The following RAB3C variants were observed in gnomAD, a reference collection of about 807,000 sequenced individuals.
RAB3C encodes ras-related protein Rab-3C.
RAB3C carries 17 observed loss-of-function variants against 26.4 expected under a neutral mutation model. The ratio of observed to expected loss-of-function variants is 0.64; its 90% CI spans 0.44 to 0.97. RAB3C has a LOEUF of 0.97. Among genes scored for constraint, RAB3C ranks in the 50% least tolerant of loss-of-function variants. RAB3C has a pLI of 0.00. For synonymous variants in RAB3C, 91 were observed against 95.9 expected (o/e 0.95, Z 0.30); for missense variants, 242 against 281.9 (o/e 0.86, Z 1.01).
At chr5:58,845,675 TATATA>T in intron 4 of RAB3C, among the ~76,000 whole-genome samples, 1 of 146,522 alleles carries the variant, frequency 6.8e-6, no homozygotes, top group South Asian at 2.2e-4. Context: ...TACATATATG[TATATA>T]TGTGTATATA....
At position 58,859,237 on chromosome 5, in the gene RAB3C, T is replaced by C. The variant is rs1439068177; in HGVS notation, c.*7886T>C. The stretch of plus-strand genomic sequence containing the variant: ...TGAAGTGTATTCACATTGTGAAGTT[T>C]TAATTATCTTTATTGAAATTAATTG... On this transcript the variant is annotated 3_prime_UTR_variant, in exon 5 of 5. Transcript: ENST00000282878. 2 of 152,250 alleles carry C rather than the reference T, an allele frequency of 1.3e-5. No homozygotes were observed. The highest frequency in any genetic ancestry group is 2.9e-5 in the Non-Finnish European group (2 of 68,046). 9.4% of individuals were successfully genotyped at this position (152,250 alleles called of 1,614,324 possible).
chr5:58,680,217 T>C (rs528165414), intron 2 of RAB3C, among the ~76,000 whole-genome samples: 1 of 152,300 alleles, frequency 6.6e-6, no homozygotes, highest in East Asian at 1.9e-4. Context: ...ACCAACACTT[T>C]AGCTACTTGT....
chr5:58,736,575 G>A (rs554507390), intron 3 of RAB3C, among the ~76,000 whole-genome samples: 2 of 152,258 alleles, frequency 1.3e-5, no homozygotes, highest in South Asian at 4.1e-4. Context: ...TTTGTGTGGC[G>A]AAGTCAAGAA....
intron 3 of RAB3C, among the ~76,000 whole-genome samples, chr5:58,762,770 T>G (rs1561122461): frequency 1.4e-5 from 2 of 144,128 alleles, no homozygotes; most frequent in African/African-American, 5.0e-5. Flanking sequence ...AGGTGTCCAT[T>G]TATCCTTTTT....
At chr5:58,602,525 G>T (rs1368747335) in intron 1 of RAB3C, among the ~76,000 whole-genome samples, 1 of 151,926 alleles carries the variant, frequency 6.6e-6, no homozygotes, top group Non-Finnish European at 1.5e-5. Context: ...ATAAATTTGG[G>T]AGCATTAGGT....
At chr5:58,776,468 C>G (rs1286050940) in intron 3 of RAB3C, among the ~76,000 whole-genome samples, 1 of 152,106 alleles carries the variant, frequency 6.6e-6, no homozygotes, top group African/African-American at 2.4e-5. Context: ...TACAACAAAG[C>G]TAGTCTTAGC....
At chr5:58,713,743 A>G (rs1749110480) in intron 2 of RAB3C, among the ~76,000 whole-genome samples, 1 of 152,216 alleles carries the variant, frequency 6.6e-6, no homozygotes, top group Non-Finnish European at 1.5e-5. Context: ...TAAATTAAAC[A>G]GGTGCTAGAG....
At chr5:58,786,077 C>A (rs999201222) in intron 3 of RAB3C, among the ~76,000 whole-genome samples, 3 of 152,230 alleles carry the variant, frequency 2.0e-5, no homozygotes, top group Non-Finnish European at 4.4e-5. Flanking sequence ...GACTTTTAGA[C>A]CTACAGAACT....
chr5:58,652,736 G>A (rs1008670816), intron 2 of RAB3C, among the ~76,000 whole-genome samples: 1 of 150,946 alleles, frequency 6.6e-6, no homozygotes, highest in South Asian at 2.1e-4. Context: ...TGAAATAAAT[G>A]TGTTGATGAC....
intron 2 of RAB3C, among the ~76,000 whole-genome samples, chr5:58,692,823 C>A (rs929087631): frequency 3.3e-5 from 5 of 152,002 alleles, no homozygotes; most frequent in Admixed American, 6.6e-5. Context: ...AATATAATTT[C>A]TTGGCTGGGC....
At chr5:58,617,537 C>A in intron 1 of RAB3C, 106 bp from the exon 2 acceptor site, 1 of 907,502 alleles carries the variant, frequency 1.1e-6, no homozygotes, top group Non-Finnish European at 1.9e-6. Flanking sequence ...GAGTGTCTGA[C>A]ATCTGTTTCT....
At chr5:58,702,383 A>T (rs1432410872) in intron 2 of RAB3C, among the ~76,000 whole-genome samples, 1 of 152,096 alleles carries the variant, frequency 6.6e-6, no homozygotes, top group Non-Finnish European at 1.5e-5. Context: ...TTCATGCCTC[A>T]TGCACTTTAG....
At chr5:58,673,801 G>A (rs974369549) in intron 2 of RAB3C, among the ~76,000 whole-genome samples, 1 of 152,184 alleles carries the variant, frequency 6.6e-6, no homozygotes, top group Admixed American at 6.6e-5. Flanking sequence ...GCACAAGGCT[G>A]TTTCACCCTG....
In RAB3C at chr5:58,612,798, A is replaced by G. The variant is rs1312284360; in HGVS notation, c.25-4845A>G. On this transcript the variant is annotated intron_variant, in intron 1 of 4. Transcript: ENST00000282878. ...GGATAGTTTGACTCCCTGTCTTCCT[A>G]TTTGGATGCCTTTGATTTCTTTCTC... Among the ~76,000 whole-genome samples, 4 of 151,850 alleles carry G rather than the reference A, an allele frequency of 2.6e-5. No individual in the cohort carries two copies. The East Asian group carries it at 5.8e-4, about 22-fold the overall frequency.
At chr5:58,831,405 C>G (rs1743611145) in intron 4 of RAB3C, among the ~76,000 whole-genome samples, 1 of 152,158 alleles carries the variant, frequency 6.6e-6, no homozygotes, top group African/African-American at 2.4e-5. Context: ...TCAAAATGTG[C>G]TCACCTTTCT....
chr5:58,630,570 GAC>G (rs1257527696), intron 2 of RAB3C, among the ~76,000 whole-genome samples: 1 of 152,166 alleles, frequency 6.6e-6, no homozygotes, highest in Non-Finnish European at 1.5e-5. Flanking sequence ...CTTAATCAAA[GAC>G]AGCTGATTTT....
chr5:58,591,816 G>A (rs992098513), intron 1 of RAB3C, among the ~76,000 whole-genome samples: 1 of 139,982 alleles, frequency 7.1e-6, no homozygotes, highest in Non-Finnish European at 1.6e-5. Flanking sequence ...TTCTTTCTCT[G>A]TTTCGTTTTT....
chr5:58,718,794 G>A (rs1314979119), intron 2 of RAB3C, among the ~76,000 whole-genome samples: 1 of 152,008 alleles, frequency 6.6e-6, no homozygotes, highest in Non-Finnish European at 1.5e-5. Context: ...ATGAAGCCAG[G>A]CTGACTGCAC....
intron 2 of RAB3C, among the ~76,000 whole-genome samples, chr5:58,679,502 A>G (rs950486427): frequency 6.6e-6 from 1 of 152,210 alleles, no homozygotes; most frequent in African/African-American, 2.4e-5. Context: ...GTCTTTATCT[A>G]GAACATGGTA....
Sources: allele counts gnomAD v4.1 joint callset (sites outside exome capture counted in the v4.1 genomes callset), GRCh38; gene constraint gnomAD v4.1.1; transcripts MANE v1.5; gene names NCBI Gene and HGNC (gene_info 2026-07-23, HGNC 2026-07-21).